Variants in SLIT1 observed in about 807,000 individuals in gnomAD.
SLIT1 encodes the protein slit guidance ligand 1.
SLIT1 carries 66 observed loss-of-function variants against 186.1 expected under a neutral mutation model. That is an observed-to-expected ratio of 0.35 (90% confidence interval 0.29 to 0.44). The LOEUF (loss-of-function observed/expected upper bound fraction) is 0.44, where lower values mean the gene tolerates loss of function less well. SLIT1 is among the 20% of genes least tolerant of loss of function. The pLI is 1.00. For missense variants in SLIT1, 1,638 were observed against 2,037.4 expected, an observed-to-expected ratio of 0.80 and a Z score of 3.77; for synonymous variants, 761 against 833.8, an observed-to-expected ratio of 0.91 and a Z score of 1.50.
intron 35 of SLIT1, 110 bp downstream of exon 35, chr10:97,002,594 T>G (rs1385639296): frequency 9.2e-7 from 1 of 1,084,378 alleles, no homozygotes; most frequent in Admixed American, 2.8e-5. Context: ...AATAAAACCC[T>G]GGCTTAGGCT....
chr10:97,061,639 A>G (rs1396220627), intron 8 of SLIT1, among the ~76,000 whole-genome samples: 1 of 152,168 alleles, frequency 6.6e-6, no homozygotes, highest in African/African-American at 2.4e-5. Flanking sequence ...GTTCTTTTTC[A>G]TTGCTGAGTA....
chr10:97,079,719 C>T (rs540986961), intron 4 of SLIT1, among the ~76,000 whole-genome samples: 13 of 152,250 alleles, frequency 8.5e-5, no homozygotes, highest in Non-Finnish European at 1.6e-4. Flanking sequence ...GACACAGAGG[C>T]GGAAATGGGA....
At chr10:97,120,770 C>T (rs1244583412) in intron 4 of SLIT1, among the ~76,000 whole-genome samples, 3 of 152,214 alleles carry the variant, frequency 2.0e-5, no homozygotes, top group Admixed American at 2.0e-4. Context: ...ATTCTCATCA[C>T]TTTGCCTCAT....
At chr10:97,084,478 T>C (rs1849136651) in intron 4 of SLIT1, among the ~76,000 whole-genome samples, 1 of 152,274 alleles carries the variant, frequency 6.6e-6, no homozygotes, top group African/African-American at 2.4e-5. Context: ...GGGAGCCTTA[T>C]TTTCCATATC....
intron 4 of SLIT1, among the ~76,000 whole-genome samples, chr10:97,106,025 T>A (rs1849410599): frequency 6.6e-6 from 1 of 152,220 alleles, no homozygotes; most frequent in Non-Finnish European, 1.5e-5. Context: ...TTGTTTTGTT[T>A]TTGTCTGCAG....
At position 97,068,034 on chromosome 10, in the gene SLIT1, C is replaced by T. The variant is rs1449361588; in HGVS notation, c.414-1948G>A. Among the ~76,000 whole-genome samples the T allele has an allele frequency of 1.3e-5, 2 of 152,224 alleles. No homozygotes were observed. Among genetic ancestry groups the T allele is most frequent in the African/African-American group, 4.8e-5 (2 of 41,446 alleles). Reference sequence around the variant, plus strand: ...AAGGTAGGAGGCAGGTGGGCTCCTACTGCCTACTAGAACTGTGAGAAGGCA... The same window carrying T: ...AAGGTAGGAGGCAGGTGGGCTCCTATTGCCTACTAGAACTGTGAGAAGGCA... On this transcript the variant is annotated intron_variant, in intron 4 of 36. Transcript: ENST00000266058. This position sits in a 1 kb window ranked among gnomAD's most constrained non-coding sequence, Gnocchi z 4.2.
Position 97,064,818 on chromosome 10 carries a change from C to T in SLIT1, c.544G>A (p.Gly182Arg), listed in dbSNP as rs750492204. Residue 182 changes from glycine (G) to arginine (R), a missense_variant, in exon 6 of 37, where the codon GGG becomes AGG. Transcript: ENST00000266058. ...IEEGAFRALR[G>R]LEVLTLNNNN... ...TGCTTTACTTACAGCACCTCCAGCC[C>T]CCGCAGAGCACGGAAGGCCCCTTCC... The T allele has an allele frequency of 1.2e-6, 2 of 1,611,528 alleles. No homozygotes were observed. The highest frequency in any genetic ancestry group is 4.5e-5 in the East Asian group (2 of 44,648).
chr10:97,008,795 C>T (rs1290604712), intron 31 of SLIT1, among the ~76,000 whole-genome samples: 2 of 151,882 alleles, frequency 1.3e-5, no homozygotes, highest in African/African-American at 4.8e-5. Context: ...ACTCAACATG[C>T]TGATCCTAAA....
At chr10:97,020,551 G>T (rs1848493946) in intron 26 of SLIT1, among the ~76,000 whole-genome samples, 1 of 152,234 alleles carries the variant, frequency 6.6e-6, no homozygotes, top group Non-Finnish European at 1.5e-5. Context: ...CTGCATGCAG[G>T]GTGGCCCAGG....
At chr10:97,136,963 C>T (rs12242134) in intron 4 of SLIT1, among the ~76,000 whole-genome samples, 2,310 of 152,286 alleles carry the variant, frequency 0.015, 57 homozygotes, top group African/African-American at 0.05. Flanking sequence ...TCACCCTCAA[C>T]AAAGACCGAT....
At position 97,001,131 on chromosome 10, in the gene SLIT1, C is replaced by T. The variant is rs1848303772; in HGVS notation, c.4586G>A (p.Gly1529Asp). 1.2e-6 allele frequency: 2 copies of T among 1,612,970 alleles called. No homozygotes were observed. The highest frequency in any genetic ancestry group is 1.7e-6 in the Non-Finnish European group (2 of 1,179,808). The change falls in exon 37 of 37, where the codon GGC (glycine) becomes GAC (aspartate). Residue 1529 changes from glycine (G) to aspartate (D), a missense_variant. Gly to Asp is a moderately conservative substitution (Grantham distance 94, BLOSUM62 -1). This residue lies in a region of SLIT1 where 220 missense variants were observed against 211.3 expected (regional missense o/e 1.04). Transcript: ENST00000266058. ...CCAGCGCTATGCGCAGAGGGCACAG[C>T]CACACTTGGTGGGCTTTTCCACCTC... Reference protein sequence around the residue: ...AEEVEKPTKCGCALCA With the variant: ...AEEVEKPTKCDCALCA
intron 4 of SLIT1, among the ~76,000 whole-genome samples, chr10:97,146,966 G>T (rs1194865185): frequency 6.6e-6 from 1 of 152,100 alleles, no homozygotes; most frequent in Non-Finnish European, 1.5e-5. Flanking sequence ...GGAGCATTGT[G>T]GGGGCTCTGA....
intron 1 of SLIT1, among the ~76,000 whole-genome samples, chr10:97,182,557 G>A (rs72821772): frequency 0.07 from 10,714 of 152,280 alleles, 559 homozygotes; most frequent in East Asian, 0.24. Context: ...GGCTCCCTGC[G>A]CTTTCCCAGT....
At chr10:97,143,513 A>G (rs2134705926) in intron 4 of SLIT1, among the ~76,000 whole-genome samples, 1 of 152,372 alleles carries the variant, frequency 6.6e-6, no homozygotes, top group East Asian at 1.9e-4. Flanking sequence ...TTGCAAAATG[A>G]CAAAGTTCTG....
At chr10:97,030,612 C>T in intron 25 of SLIT1, 145 bp downstream of exon 25, 1 of 672,444 alleles carries the variant, frequency 1.5e-6, no homozygotes, top group Non-Finnish European at 2.7e-6. Flanking sequence ...ATATAAGAGT[C>T]CCAGAAGGTG....
At chr10:97,062,593 G>A (rs1216607965) in intron 8 of SLIT1, among the ~76,000 whole-genome samples, 2 of 152,354 alleles carry the variant, frequency 1.3e-5, no homozygotes, top group South Asian at 2.1e-4. Flanking sequence ...GGGTGAGGAG[G>A]AGTCGGCAGG....
chr10:97,077,554 C>T (rs777110102), intron 4 of SLIT1, among the ~76,000 whole-genome samples: 1 of 152,170 alleles, frequency 6.6e-6, no homozygotes, highest in Admixed American at 6.5e-5. Context: ...CCAACTGATG[C>T]CTCTTTGGGC....
chr10:97,114,035 G>A (rs1175108623), intron 4 of SLIT1, among the ~76,000 whole-genome samples: 2 of 152,136 alleles, frequency 1.3e-5, no homozygotes, highest in African/African-American at 4.8e-5. Flanking sequence ...AGCTCTCCCA[G>A]CCCCTCAGGA....
chr10:97,122,463 T>C (rs959907631), intron 4 of SLIT1, among the ~76,000 whole-genome samples: 29 of 152,062 alleles, frequency 1.9e-4, no homozygotes, highest in African/African-American at 6.8e-4. Context: ...AGGAACCCCA[T>C]CCAGCCCACG....
Sources: allele counts gnomAD v4.1 joint callset (sites outside exome capture counted in the v4.1 genomes callset), GRCh38; gene constraint gnomAD v4.1.1; regional missense constraint gnomAD v4.1.1; non-coding constraint Gnocchi (gnomAD v3.1); transcripts MANE v1.5; gene names NCBI Gene and HGNC (gene_info 2026-07-23, HGNC 2026-07-21).